LHPP: variants seen among roughly 807,000 people sequenced by gnomAD.
The protein encoded by LHPP is phospholysine phosphohistidine inorganic pyrophosphate phosphatase.
Under a neutral mutation model 30.3 loss-of-function variants are expected in LHPP, and 24 were observed. The observed-to-expected ratio is 0.79, with a 90% confidence interval of 0.57 to 1.11. The LOEUF is 1.11. Among genes scored for constraint, LHPP ranks in the 50% most tolerant of loss-of-function variants. The pLI is 0.00. For missense variants in LHPP, 356 were observed against 367.2 expected, an observed-to-expected ratio of 0.97 and a Z score of 0.25; for synonymous variants, 150 against 157.1, an observed-to-expected ratio of 0.95 and a Z score of 0.34.
chr10:124,487,448 T>C (rs1297963443), intron 2 of LHPP, among the ~76,000 whole-genome samples: 170 of 144,592 alleles, frequency 1.2e-3, no homozygotes, highest in Non-Finnish European at 2.3e-3. Flanking sequence ...CTTTCTTTTT[T>C]TTTTTTTTTT....
chr10:124,476,652 C>A lies in LHPP; in HGVS notation c.126-7487C>A, dbSNP rs1589764321. On this transcript the variant is annotated intron_variant, in intron 1 of 6. Coordinates refer to ENST00000368842, the MANE Select transcript of LHPP (RefSeq NM_022126.4). ...TTCATGGTGCAGGGCACGGGGTGGGCTCATGCGCACATCAGTGTGGGCGTC... is the reference window on the plus strand; with the variant it reads ...TTCATGGTGCAGGGCACGGGGTGGGATCATGCGCACATCAGTGTGGGCGTC... Among the ~76,000 whole-genome samples, 3 of 152,322 alleles carry A rather than the reference C, an allele frequency of 2.0e-5. No homozygotes were observed. The South Asian group carries it at 6.2e-4, about 32-fold the overall frequency.
intron 6 of LHPP, among the ~76,000 whole-genome samples, chr10:124,552,213 C>T (rs1318169329): frequency 6.6e-6 from 1 of 152,180 alleles, no homozygotes; most frequent in African/African-American, 2.4e-5. Flanking sequence ...GTGCACCAGG[C>T]ACTCTGCTAA....
intron 6 of LHPP, 65 bp from the exon 7 acceptor site, chr10:124,613,199 G>T: frequency 1.7e-6 from 2 of 1,194,788 alleles, no homozygotes; most frequent in Non-Finnish European, 2.5e-6. Context: ...GATGCTGGGA[G>T]GGTGGGTGTG....
At chr10:124,494,786 C>G (rs1305441975) in intron 3 of LHPP, among the ~76,000 whole-genome samples, 1 of 152,214 alleles carries the variant, frequency 6.6e-6, no homozygotes, top group East Asian at 1.9e-4. Context: ...CCCCTGGGTC[C>G]TGCCCTTTAA....
intron 6 of LHPP, among the ~76,000 whole-genome samples, chr10:124,534,262 T>C (rs985904165): frequency 6.6e-6 from 1 of 152,242 alleles, no homozygotes; most frequent in Non-Finnish European, 1.5e-5. Context: ...TTTCCTCCGG[T>C]GCTGGGGAGC....
At chr10:124,552,150 C>G (rs1948180207) in intron 6 of LHPP, among the ~76,000 whole-genome samples, 1 of 152,180 alleles carries the variant, frequency 6.6e-6, no homozygotes, top group African/African-American at 2.4e-5. Flanking sequence ...TGCCCTCCAG[C>G]CTTTCCCCAC....
chr10:124,535,566 A>G (rs1164409895), intron 6 of LHPP, among the ~76,000 whole-genome samples: 1 of 134,636 alleles, frequency 7.4e-6, no homozygotes, highest in Non-Finnish European at 1.6e-5. Context: ...TGGCTAATTA[A>G]AAAAACATTT....
At chr10:124,481,586 G>A (rs1037063187) in intron 1 of LHPP, among the ~76,000 whole-genome samples, 1 of 151,694 alleles carries the variant, frequency 6.6e-6, no homozygotes, top group African/African-American at 2.4e-5. Flanking sequence ...TCTCCATGTT[G>A]ACCAGGCTGA....
chr10:124,470,648 T>TAACAACAACAACAACAACAAC (rs10682827), intron 1 of LHPP, among the ~76,000 whole-genome samples: 5 of 145,028 alleles, frequency 3.4e-5, no homozygotes, highest in Admixed American at 1.4e-4. Flanking sequence ...GCAGCAATAG[T>TAACAACAACAACAACAACAAC]AACAACAACA....
intron 3 of LHPP, chr10:124,489,889 A>G (rs1953467383): frequency 5.1e-6 from 1 of 194,482 alleles, no homozygotes; most frequent in Non-Finnish European, 1.0e-5. Flanking sequence ...TTGCTGACCC[A>G]TTCCCAGCCT....
chr10:124,587,310 C>G (rs1351969639), intron 6 of LHPP, among the ~76,000 whole-genome samples: 2 of 151,580 alleles, frequency 1.3e-5, no homozygotes, highest in Admixed American at 1.3e-4. Context: ...GCTGGGATTG[C>G]AAGCATAAGC....
chr10:124,488,214 A>T (rs985449823), intron 2 of LHPP, among the ~76,000 whole-genome samples: 2 of 152,134 alleles, frequency 1.3e-5, no homozygotes, highest in Non-Finnish European at 2.9e-5. Flanking sequence ...CTTTCTCCTC[A>T]TAAGCCCTCT....
intron 1 of LHPP, among the ~76,000 whole-genome samples, chr10:124,481,463 A>ACCT (rs1420539120): frequency 7.6e-6 from 1 of 131,100 alleles, no homozygotes; most frequent in Non-Finnish European, 1.5e-5. Context: ...TGTGACCTCC[A>ACCT]CCTCCTGGGT....
At chr10:124,487,785 A>G (rs1030408754) in intron 2 of LHPP, among the ~76,000 whole-genome samples, 1 of 152,164 alleles carries the variant, frequency 6.6e-6, no homozygotes, top group Non-Finnish European at 1.5e-5. Flanking sequence ...TCTAGTCCTA[A>G]GAGAGATGAC....
chr10:124,544,708 G>A (rs1382393118), intron 6 of LHPP, among the ~76,000 whole-genome samples: 1 of 152,202 alleles, frequency 6.6e-6, no homozygotes, highest in Non-Finnish European at 1.5e-5. Context: ...CTGAGTGGCC[G>A]GGCCTCGGTG....
chr10:124,584,363 C>CA lies in LHPP; in HGVS notation c.717-28884dup, dbSNP rs71484569. 5.6e-3 allele frequency among the ~76,000 whole-genome samples: 553 copies of CA among 98,246 alleles called. 8 individuals are homozygous for CA. The highest frequency in any genetic ancestry group is 0.022 in the East Asian group (67 of 3,018). 64.5% of individuals were successfully genotyped at this position (98,246 alleles called of 152,430 possible). A position where few individuals can be genotyped will look rare whatever the true frequency, so the allele number is the denominator to read the frequency against. On this transcript the variant is annotated intron_variant, in intron 6 of 6. Coordinates refer to ENST00000368842, the MANE Select transcript of LHPP (RefSeq NM_022126.4). ...TGGGCAACAGAGCGAGACTCTGTCTCAAAAAAAAAAAAAAAAAGAAAAAGA... is the reference window on the plus strand; with the variant it reads ...TGGGCAACAGAGCGAGACTCTGTCTCAAAAAAAAAAAAAAAAAAGAAAAAGA...
chr10:124,599,810 A>G (rs1451867692), intron 6 of LHPP, among the ~76,000 whole-genome samples: 2 of 152,212 alleles, frequency 1.3e-5, no homozygotes, highest in East Asian at 3.9e-4. Context: ...CTCTGTGGAC[A>G]GAGCCATCCA....
At chr10:124,542,118 C>T (rs1340647502) in intron 6 of LHPP, among the ~76,000 whole-genome samples, 1 of 152,096 alleles carries the variant, frequency 6.6e-6, no homozygotes, top group Non-Finnish European at 1.5e-5. Flanking sequence ...CCCACTGTGC[C>T]TGGGACCGCA....
At chr10:124,559,770 C>T (rs965111251) in intron 6 of LHPP, among the ~76,000 whole-genome samples, 1 of 152,260 alleles carries the variant, frequency 6.6e-6, no homozygotes, top group Non-Finnish European at 1.5e-5. Context: ...GGTTTTCCTG[C>T]ATCTTTGGTC....
Sources: allele counts gnomAD v4.1 joint callset (sites outside exome capture counted in the v4.1 genomes callset), GRCh38; gene constraint gnomAD v4.1.1; transcripts MANE v1.5; gene names NCBI Gene and HGNC (gene_info 2026-07-23, HGNC 2026-07-21).